The following TRANK1 variants were observed in gnomAD, a reference collection of about 807,000 sequenced individuals.
TRANK1 encodes tetratricopeptide repeat and ankyrin repeat containing 1, also known as TPR and ankyrin repeat-containing protein 1.
In TRANK1, 198 loss-of-function variants were observed where a neutral mutation model predicts 266.0. That is an observed-to-expected ratio of 0.74 (90% CI 0.66 to 0.84). TRANK1 has a LOEUF of 0.84. TRANK1 is among the 40% of genes least tolerant of loss of function. The pLI is 0.00. For synonymous variants in TRANK1, 1,396 were observed against 1,384.1 expected (o/e 1.01, Z -0.19); for missense variants, 3,326 against 3,634.6 (o/e 0.92, Z 2.18).
At chr3:36,936,371 G>A (rs1271546810) in intron 1 of TRANK1, among the ~76,000 whole-genome samples, 1 of 151,872 alleles carries the variant, frequency 6.6e-6, no homozygotes, top group African/African-American at 2.4e-5. Context: ...TGTAGTCCCA[G>A]CTACTCAAGA....
chr3:36,840,474 T>C (rs1272530990), intron 18 of TRANK1, among the ~76,000 whole-genome samples: 2 of 151,520 alleles, frequency 1.3e-5, no homozygotes, highest in Non-Finnish European at 2.9e-5. Context: ...CCTCCCTGTA[T>C]CTGTCCACAC....
chr3:36,849,293 C>G (rs921430409), intron 15 of TRANK1, among the ~76,000 whole-genome samples: 3 of 152,122 alleles, frequency 2.0e-5, no homozygotes, highest in Non-Finnish European at 4.4e-5. Flanking sequence ...CTTCTAAGTC[C>G]CCACAGAAGG....
chr3:36,833,005 A>G lies in TRANK1; in HGVS notation c.6578T>C (p.Met2193Thr). Residue 2193 changes from methionine (M) to threonine (T), a missense_variant, in exon 22 of 24, where the codon ATG becomes ACG. By Grantham distance (81) the Met-to-Thr change is moderately conservative. Coordinates refer to ENST00000645898, the MANE Select transcript of TRANK1 (RefSeq NM_001329998.2). ...ACATTTTAAGCCTACAATAAACCTCATGCAGACTCCTCGGTAGGTCTTCCC... is the reference window on the plus strand; with the variant it reads ...ACATTTTAAGCCTACAATAAACCTCGTGCAGACTCCTCGGTAGGTCTTCCC... Reference protein sequence around the residue: ...LLGKTYRGVCMRFIVGLKCED... With the variant: ...LLGKTYRGVCTRFIVGLKCED... 1 of 1,612,362 alleles carries G rather than the reference A, an allele frequency of 6.2e-7. No homozygotes were observed. Among genetic ancestry groups the G allele is most frequent in the Non-Finnish European group, 8.5e-7 (1 of 1,179,098 alleles).
At chr3:36,924,729 G>A (rs756960854) in intron 1 of TRANK1, among the ~76,000 whole-genome samples, 2 of 151,996 alleles carry the variant, frequency 1.3e-5, no homozygotes, top group African/African-American at 2.4e-5. Flanking sequence ...AACTGCCACC[G>A]GTGCGAAAGG....
At position 36,903,058 on chromosome 3, in the gene TRANK1, C is replaced by T. The variant is rs2079906970; in HGVS notation, c.282+91G>A. 7 of 1,454,690 alleles carry T rather than the reference C, an allele frequency of 4.8e-6. No individual in the cohort carries two copies. In the South Asian group the frequency reaches 5.5e-5, roughly 11 times the overall value. The allele number at this position is 1,454,690 out of a possible 1,614,324, so 90.1% of individuals were successfully genotyped here. ...CAGCTGCCACCCCCAGGTGCCACTG[C>T]CCCACACTTTCTCTCATCCTTTCAT... On this transcript the variant is annotated intron_variant, in intron 3 of 23. Transcript: ENST00000645898.
chr3:36,893,127 G>A lies in TRANK1; in HGVS notation c.553-143C>T, dbSNP rs544070439. 8.9e-5 allele frequency: 31 copies of A among 349,304 alleles called. No individual in the cohort carries two copies. In the South Asian group the frequency reaches 1.7e-3, roughly 19 times the overall value. 21.6% of individuals were successfully genotyped at this position (349,304 alleles called of 1,614,324 possible). On this transcript the variant is annotated intron_variant, in intron 5 of 23. Coordinates refer to ENST00000645898, the MANE Select transcript of TRANK1 (RefSeq NM_001329998.2). ...TGTCTTTTTTTAAAGTGCTTGCCAA[G>A]TTTTTCAGCTATTTGCTGTGACAAT...
Position 36,833,425 on chromosome 3 carries a change from A to G in TRANK1, c.6158T>C (p.Phe2053Ser). The change falls in exon 22 of 24, where the codon TTT becomes TCT. Residue 2053 changes from phenylalanine (F) to serine (S), a missense_variant. Phe to Ser is a radical substitution (Grantham distance 155). Transcript: ENST00000645898. ...TCCAGCTGAGTGGTTGAGCGTGTCAAACTTGAAGAAGGCATCCCTGAGCTT... is the reference window on the plus strand; with the variant it reads ...TCCAGCTGAGTGGTTGAGCGTGTCAGACTTGAAGAAGGCATCCCTGAGCTT... ...FQKLRDAFFKFDTLNHSAGVV... is the reference protein window; with the variant it reads ...FQKLRDAFFKSDTLNHSAGVV... 3.1e-6 allele frequency: 5 copies of G among 1,613,892 alleles called. No individual in the cohort carries two copies. Among genetic ancestry groups the G allele is most frequent in the Non-Finnish European group, 4.2e-6 (5 of 1,179,818 alleles).
At chr3:36,835,029 A>G in intron 20 of TRANK1, 122 bp from the exon 21 acceptor site, 1 of 1,111,272 alleles carries the variant, frequency 9.0e-7, no homozygotes, top group Non-Finnish European at 1.2e-6. Flanking sequence ...AATCCAGTTA[A>G]AAACCCTAGG....
chr3:36,907,545 A>G (rs1248373579), intron 2 of TRANK1, among the ~76,000 whole-genome samples: 8 of 148,412 alleles, frequency 5.4e-5, no homozygotes, highest in African/African-American at 2.0e-4. Flanking sequence ...GCTCACTGCA[A>G]GCTCCACCTC....
At chr3:36,899,740 T>C (rs2079847902) in intron 3 of TRANK1, among the ~76,000 whole-genome samples, 1 of 152,224 alleles carries the variant, frequency 6.6e-6, no homozygotes, top group Admixed American at 6.5e-5. Flanking sequence ...GCTCCTGTCA[T>C]TTAACTGCCA....
At chr3:36,860,463 G>T (rs569704863) in intron 11 of TRANK1, among the ~76,000 whole-genome samples, 27 of 152,138 alleles carry the variant, frequency 1.8e-4, no homozygotes, top group Admixed American at 1.8e-3. Context: ...TTACTTGACC[G>T]TTTCTTTAAA....
chr3:36,889,909 C>T lies in TRANK1; in HGVS notation c.827G>A (p.Gly276Asp), dbSNP rs1177807380. ...WLMDHKPEWK[G>D]RINQKDGDGC... The stretch of plus-strand genomic sequence containing the variant: ...ATCCCCATCCTTCTGGTTAATGCGG[C>T]CTTTCCACTCGGGCTTGTGATCCAT... Residue 276 changes from glycine to aspartate, a missense_variant, in exon 8 of 24, where the codon GGC becomes GAC. Physicochemically the swap from Gly to Asp is moderately conservative, Grantham distance 94. Transcript: ENST00000645898. 2 of 1,537,228 alleles carry T rather than the reference C, an allele frequency of 1.3e-6. No homozygotes were observed. Among genetic ancestry groups the T allele is most frequent in the African/African-American group, 2.7e-5 (2 of 73,156 alleles).
chr3:36,897,816 G>A (rs979345957), intron 4 of TRANK1, among the ~76,000 whole-genome samples: 1 of 152,186 alleles, frequency 6.6e-6, no homozygotes, highest in East Asian at 1.9e-4. Context: ...CAACAGCCTA[G>A]GTATTGGCAG....
At chr3:36,909,539 G>GGTAGT (rs1441973305) in intron 1 of TRANK1, among the ~76,000 whole-genome samples, 10 of 152,170 alleles carry the variant, frequency 6.6e-5, no homozygotes, top group African/African-American at 2.2e-4. Flanking sequence ...GGTAGGGTAG[G>GGTAGT]TCTTAAATAT....
At chr3:36,836,000 T>A (rs1021356574) in intron 20 of TRANK1, among the ~76,000 whole-genome samples, 7 of 152,094 alleles carry the variant, frequency 4.6e-5, no homozygotes, top group African/African-American at 1.7e-4. Context: ...CTTGAATGAC[T>A]AACAAATAAA....
At chr3:36,878,841 C>T (rs1250270160) in intron 8 of TRANK1, among the ~76,000 whole-genome samples, 1 of 150,390 alleles carries the variant, frequency 6.6e-6, no homozygotes, top group Non-Finnish European at 1.5e-5. Context: ...GCCCATTTAA[C>T]TGTCTTGTTT....
At position 36,908,500 on chromosome 3, in the gene TRANK1, C is replaced by A. The variant is rs1188661397; in HGVS notation, c.24-46G>T. The A allele has an allele frequency of 5.7e-6, 7 of 1,232,042 alleles. No individual in the cohort carries two copies. In the East Asian group the frequency reaches 1.9e-4, roughly 33 times the overall value. 76.3% of individuals were successfully genotyped at this position (1,232,042 alleles called of 1,614,324 possible). A position where few individuals can be genotyped will look rare whatever the true frequency, so the allele number is the denominator to read the frequency against. The stretch of plus-strand genomic sequence containing the variant: ...CGCTTGCTGCCAGACCCGTGCAGGG[C>A]ATGTTCACCTTCCGGTCTGCATTGC... On this transcript the variant is annotated intron_variant, in intron 1 of 23. Coordinates refer to ENST00000645898, the MANE Select transcript of TRANK1 (RefSeq NM_001329998.2).
chr3:36,850,290 G>A (rs1373433149), intron 15 of TRANK1: 1 of 985,306 alleles, frequency 1.0e-6, no homozygotes, highest in Non-Finnish European at 1.2e-6. Flanking sequence ...AATTTAACAG[G>A]AAAGGAATGT....
At chr3:36,866,002 AAGAG>A (rs896530965) in intron 9 of TRANK1, among the ~76,000 whole-genome samples, 8 of 150,458 alleles carry the variant, frequency 5.3e-5, no homozygotes, top group African/African-American at 1.2e-4. Flanking sequence ...AAGAAAGAGA[AAGAG>A]AGAGAGACAG....
Sources: gnomAD v4.1 joint callset for allele counts (sites outside exome capture counted in the v4.1 genomes callset) on GRCh38, gnomAD v4.1.1 for gene constraint, MANE v1.5 for transcripts, NCBI Gene and HGNC (gene_info 2026-07-23, HGNC 2026-07-21) for gene names.